KCNH7: variants seen among roughly 807,000 people sequenced by gnomAD.
The protein encoded by KCNH7 is voltage-gated inwardly rectifying potassium channel KCNH7.
A neutral mutation model predicts 120.8 loss-of-function variants in KCNH7; 49 were observed. The observed-to-expected ratio is 0.41, with a 90% CI of 0.32 to 0.51. The LOEUF is 0.51. Among genes scored for constraint, KCNH7 ranks in the 20% least tolerant of loss-of-function variants. The probability of loss-of-function intolerance (pLI) is 0.38; values close to 1 mark genes in which losing one functional copy is unlikely to be tolerated. For missense variants in KCNH7, 1,097 were observed against 1,446.6 expected (o/e 0.76, Z 3.92); for synonymous variants, 547 against 516.1 (o/e 1.06, Z -0.81).
chr2:162,387,188 T>C (rs1002987210), intron 12 of KCNH7, among the ~76,000 whole-genome samples: 2 of 149,630 alleles, frequency 1.3e-5, no homozygotes, highest in African/African-American at 4.9e-5. Flanking sequence ...ATATGAACAA[T>C]TTCTTTGATA....
At chr2:162,678,642 T>C (rs1685607374) in intron 2 of KCNH7, among the ~76,000 whole-genome samples, 1 of 151,418 alleles carries the variant, frequency 6.6e-6, no homozygotes, top group Non-Finnish European at 1.5e-5. Flanking sequence ...TCTGTGTGGA[T>C]TTTGCTTTAG....
chr2:162,569,670 G>A (rs1693392761), intron 2 of KCNH7, among the ~76,000 whole-genome samples: 1 of 151,478 alleles, frequency 6.6e-6, no homozygotes, highest in African/African-American at 2.4e-5. Context: ...GGCATTTAGT[G>A]CTATAAATTT....
At chr2:162,470,732 C>T (rs887065549) in intron 6 of KCNH7, among the ~76,000 whole-genome samples, 7 of 152,164 alleles carry the variant, frequency 4.6e-5, no homozygotes, top group Non-Finnish European at 8.8e-5. Flanking sequence ...GCCACCACCC[C>T]GTCTGGGAGG....
chr2:162,827,048 G>C (rs1386782301), intron 2 of KCNH7, among the ~76,000 whole-genome samples: 1 of 152,064 alleles, frequency 6.6e-6, no homozygotes, highest in Non-Finnish European at 1.5e-5. Context: ...GGAGTCCTGA[G>C]GATGACAGCC....
intron 6 of KCNH7, among the ~76,000 whole-genome samples, chr2:162,489,351 A>G (rs1690214242): frequency 6.6e-6 from 1 of 152,156 alleles, no homozygotes; most frequent in Non-Finnish European, 1.5e-5. Flanking sequence ...TAAGTACACT[A>G]ACACTAATGA....
At chr2:162,507,621 T>C (rs1165433527) in intron 5 of KCNH7, among the ~76,000 whole-genome samples, 3 of 151,606 alleles carry the variant, frequency 2.0e-5, no homozygotes, top group African/African-American at 7.2e-5. Flanking sequence ...GATGAATACA[T>C]GTCCTGACAT....
chr2:162,451,737 G>A (rs1430157068), intron 6 of KCNH7, among the ~76,000 whole-genome samples: 1 of 151,992 alleles, frequency 6.6e-6, no homozygotes, highest in Non-Finnish European at 1.5e-5. Flanking sequence ...AAATAGATAT[G>A]TTCTCTCCTA....
intron 2 of KCNH7, among the ~76,000 whole-genome samples, chr2:162,573,068 AG>A (rs1374847798): frequency 2.1e-4 from 32 of 152,072 alleles, no homozygotes; most frequent in Admixed American, 1.8e-3. Context: ...TTAAAAAAAA[AG>A]GTCATGAAAT....
At chr2:162,528,370 T>C (rs1280434138) in intron 3 of KCNH7, 1 of 152,002 alleles carries the variant, frequency 6.6e-6, no homozygotes, top group Non-Finnish European at 1.5e-5. Flanking sequence ...CAAACAGATG[T>C]GACCAACGTG....
rs776661370 is a variant in KCNH7 at position 162,732,172 on chromosome 2, G to A, written c.307+104365C>T. Among the ~76,000 whole-genome samples the A allele has an allele frequency of 1.1e-3, 162 of 152,020 alleles. 1 individual carries two copies. The highest frequency in any genetic ancestry group is 5.4e-4 in the Non-Finnish European group (37 of 67,976). On this transcript the variant is annotated intron_variant, in intron 2 of 15. Coordinates refer to ENST00000332142, the MANE Select transcript of KCNH7 (RefSeq NM_033272.4). ...TTCTAGGACGATTTAGAGGGACTAC[G>A]TGTGAAGAGGATGGCAATACTCTTC...
At chr2:162,395,435 G>T (rs1197041173) in intron 11 of KCNH7, among the ~76,000 whole-genome samples, 2 of 151,494 alleles carry the variant, frequency 1.3e-5, no homozygotes, top group African/African-American at 4.8e-5. Context: ...TTATTATTTT[G>T]CTCCCAGATC....
intron 2 of KCNH7, among the ~76,000 whole-genome samples, chr2:162,683,116 T>G (rs1475239407): frequency 6.6e-6 from 1 of 151,836 alleles, no homozygotes; most frequent in Non-Finnish European, 1.5e-5. Context: ...ATGCTTTTAC[T>G]GCTAAATGAA....
intron 2 of KCNH7, among the ~76,000 whole-genome samples, chr2:162,660,046 C>T (rs531441183): frequency 2.6e-3 from 403 of 152,118 alleles, no homozygotes; most frequent in Non-Finnish European, 4.7e-3. Context: ...AGAGGGTTAT[C>T]AATTGTATTG....
At chr2:162,448,018 T>C (rs1430134660) in intron 6 of KCNH7, among the ~76,000 whole-genome samples, 1 of 152,098 alleles carries the variant, frequency 6.6e-6, no homozygotes, top group Non-Finnish European at 1.5e-5. Flanking sequence ...AGCCAGTTTA[T>C]AGAGAGAACA....
At chr2:162,610,207 T>C (rs1405979788) in intron 2 of KCNH7, among the ~76,000 whole-genome samples, 5 of 152,286 alleles carry the variant, frequency 3.3e-5, no homozygotes, top group African/African-American at 1.2e-4. Context: ...AAGTACATTA[T>C]AGCAATATAA....
intron 8 of KCNH7, among the ~76,000 whole-genome samples, chr2:162,428,454 A>C (rs1687941075): frequency 6.6e-6 from 1 of 151,848 alleles, no homozygotes; most frequent in Non-Finnish European, 1.5e-5. Flanking sequence ...GTAGCCCAGC[A>C]TATGGCTTGT....
chr2:162,432,931 A>C (rs960450075), intron 8 of KCNH7, among the ~76,000 whole-genome samples: 4 of 152,062 alleles, frequency 2.6e-5, no homozygotes, highest in Non-Finnish European at 5.9e-5. Flanking sequence ...AGAAATGATA[A>C]ATGTCTTCAG....
intron 9 of KCNH7, among the ~76,000 whole-genome samples, chr2:162,403,639 G>T (rs2105450503): frequency 6.6e-6 from 1 of 152,052 alleles, no homozygotes; most frequent in Middle Eastern, 3.4e-3. Context: ...GTTGCATGGA[G>T]AAGATACAAT....
chr2:162,825,475 A>G (rs1376554244), intron 2 of KCNH7, among the ~76,000 whole-genome samples: 1 of 152,008 alleles, frequency 6.6e-6, no homozygotes, highest in Non-Finnish European at 1.5e-5. Context: ...GGACACATAA[A>G]ATGTGCAGTT....
Sources: gnomAD v4.1 joint callset for allele counts (sites outside exome capture counted in the v4.1 genomes callset) on GRCh38, gnomAD v4.1.1 for gene constraint, MANE v1.5 for transcripts, NCBI Gene and HGNC (gene_info 2026-07-23, HGNC 2026-07-21) for gene names.